The following ST6GALNAC6 variants were observed in gnomAD, a reference collection of about 807,000 sequenced individuals.
The protein encoded by ST6GALNAC6 is alpha-N-acetylgalactosaminide alpha-2,6-sialyltransferase 6.
Under a neutral mutation model 34.3 loss-of-function variants are expected in ST6GALNAC6, and 19 were observed. The ratio of observed to expected loss-of-function variants is 0.55; its 90% CI spans 0.39 to 0.81. ST6GALNAC6 has a LOEUF of 0.81. ST6GALNAC6 is among the 40% of genes least tolerant of loss of function. ST6GALNAC6 has a pLI of 0.00. For synonymous variants in ST6GALNAC6, 185 were observed against 182.1 expected, an observed-to-expected ratio of 1.02 and a Z score of -0.13; for missense variants, 377 against 467.7, an observed-to-expected ratio of 0.81 and a Z score of 1.79.
Position 127,890,566 on chromosome 9 carries a change from A to G in ST6GALNAC6, c.704+71T>C. The stretch of plus-strand genomic sequence containing the variant: ...CAGAGCAGTGCATGCTGGGAGCAAC[A>G]GGCCCTCTGGATGGGGCATGCTGAG... On this transcript the variant is annotated intron_variant, in intron 5 of 6. Transcript: ENST00000373146. The surrounding 1 kb of genome is among the most constrained non-coding windows in gnomAD (Gnocchi z 4.3). The G allele has an allele frequency of 6.3e-7, 1 of 1,598,602 alleles. No homozygotes were observed. The highest frequency in any genetic ancestry group is 8.5e-7 in the Non-Finnish European group (1 of 1,170,594).
At chr9:127,895,216 G>A (rs1588650522) in intron 3 of ST6GALNAC6, among the ~76,000 whole-genome samples, 1 of 152,206 alleles carries the variant, frequency 6.6e-6, no homozygotes, top group Non-Finnish European at 1.5e-5. Context: ...ATTAAACTTT[G>A]TGAGTAGAGG....
chr9:127,899,652 C>G (rs1830679225), upstream of ST6GALNAC6: 5 of 983,702 alleles, frequency 5.1e-6, no homozygotes, highest in Non-Finnish European at 6.0e-6. Flanking sequence ...ACGGCCCGGC[C>G]CAGGCCTGGG....
In ST6GALNAC6 at chr9:127,897,802, C is replaced by A. The variant is rs553579843; in HGVS notation, c.26+154G>T. Reference sequence around the variant, plus strand: ...TGGCCACCCTTTCCTGCGGATGCCCCCTGCCCGCCGCCCACTTTCCCACCT... The same window carrying A: ...TGGCCACCCTTTCCTGCGGATGCCCACTGCCCGCCGCCCACTTTCCCACCT... On this transcript the variant is annotated intron_variant, in intron 2 of 6. Coordinates refer to ENST00000373146, the MANE Select transcript of ST6GALNAC6 (RefSeq NM_013443.5). 456 of 1,518,352 alleles carry A rather than the reference C, an allele frequency of 3.0e-4. 8 individuals carry two copies. In the South Asian group the frequency reaches 5.3e-3, roughly 18 times the overall value. 94.1% of individuals were successfully genotyped at this position (1,518,352 alleles called of 1,614,324 possible).
At position 127,891,005 on chromosome 9, in the gene ST6GALNAC6, G is replaced by A. The variant is rs777499764; in HGVS notation, c.336C>T (p.Ser112=). 6.2e-7 allele frequency: 1 copy of A among 1,614,008 alleles called. No homozygotes were observed. The highest frequency in any genetic ancestry group is 1.3e-5 in the African/African-American group (1 of 74,932). Residue 112 remains serine, a synonymous_variant, in exon 5 of 7, where the codon AGC becomes AGT. Coordinates refer to ENST00000373146, the MANE Select transcript of ST6GALNAC6 (RefSeq NM_013443.5). The part of the protein sequence containing the change: ...PSRCHQCVIV[S]SSSHLLGTKL... ...TGGTGCCCAGCAGGTGGCTGGAGCT[G>A]CTGACAATCACACACTGGTGGCACC...
upstream of ST6GALNAC6, chr9:127,902,892 A>G (rs1184151175): frequency 6.7e-6 from 1 of 150,340 alleles, no homozygotes; most frequent in African/African-American, 2.4e-5. Context: ...CCCAGCCCAC[A>G]CAATTTTTAT....
At chr9:127,904,057 A>C (rs1278936412), upstream of ST6GALNAC6, 1 of 152,192 alleles carries the variant, frequency 6.6e-6, no homozygotes, top group African/African-American at 2.4e-5. Context: ...AACCATCTCA[A>C]TAACAGTAAT....
chr9:127,887,608 G>T lies in ST6GALNAC6; in HGVS notation c.705-17C>A. ...GACTTCTCCCTGGGGATGGAGAGGG[G>T]TCACGATGAGGGCACATGCAGGGAG... On this transcript the variant is annotated splice_polypyrimidine_tract_variant and intron_variant, in intron 5 of 6. Coordinates refer to ENST00000373146, the MANE Select transcript of ST6GALNAC6 (RefSeq NM_013443.5). The T allele has an allele frequency of 6.3e-7, 1 of 1,591,796 alleles. No homozygotes were observed. The highest frequency in any genetic ancestry group is 8.6e-7 in the Non-Finnish European group (1 of 1,164,296).
intron 3 of ST6GALNAC6, 56 bp downstream of exon 3, chr9:127,896,186 G>C: frequency 6.3e-7 from 1 of 1,584,630 alleles, no homozygotes. Flanking sequence ...AAAGGAACCC[G>C]TTCCATGGAG....
rs149599016 is a variant in ST6GALNAC6 at position 127,894,684 on chromosome 9, C to T, written c.125G>A (p.Arg42Gln). ...RREMSSNKEQ[R>Q]SAVFVILFAL... Reference sequence around the variant, plus strand: ...AAAGAGGATCACGAACACTGCTGACCGCTGCTCCTGGAGAGAGGAGAGGTC... The same window carrying T: ...AAAGAGGATCACGAACACTGCTGACTGCTGCTCCTGGAGAGAGGAGAGGTC... Residue 42 changes from arginine (R) to glutamine (Q), a missense_variant, in exon 4 of 7, where the codon CGG becomes CAG. By Grantham distance (43) the Arg-to-Gln change is conservative. Transcript: ENST00000373146. The T allele has an allele frequency of 7.4e-5, 119 of 1,614,080 alleles. No homozygotes were observed. In the African/African-American group the frequency reaches 1.3e-3, roughly 18 times the overall value.
At chr9:127,903,753 G>A (rs1246084160), upstream of ST6GALNAC6, 2 of 152,246 alleles carry the variant, frequency 1.3e-5, no homozygotes, top group Non-Finnish European at 2.9e-5. Context: ...CGGTCAGACA[G>A]GCAGGAGGCC....
Position 127,886,780 on chromosome 9 carries a change from G to A in ST6GALNAC6, c.821C>T (p.Pro274Leu), listed in dbSNP as rs2131453493. 3.1e-6 allele frequency: 5 copies of A among 1,606,384 alleles called. No homozygotes were observed. The highest frequency in any genetic ancestry group is 2.2e-5 in the East Asian group (1 of 44,874). Residue 274 changes from proline to leucine, a missense_variant, in exon 7 of 7, where the codon CCC becomes CTC. Pro to Leu is a moderately conservative substitution (Grantham distance 98). Transcript: ENST00000373146. ...MVPPNYCSQR[P>L]RLQRMPYHYY... ...GTGGTAGGGCATGCGCTGGAGGCGGGGCCGCTGGCTGGGACAGAGCAGACG... is the reference window on the plus strand; with the variant it reads ...GTGGTAGGGCATGCGCTGGAGGCGGAGCCGCTGGCTGGGACAGAGCAGACG...
At chr9:127,899,086 G>A (rs1830639285) in intron 1 of ST6GALNAC6, among the ~76,000 whole-genome samples, 1 of 152,202 alleles carries the variant, frequency 6.6e-6, no homozygotes, top group Non-Finnish European at 1.5e-5. Context: ...CGTGGGAGGA[G>A]GGCTCCAGGG....
In ST6GALNAC6 at chr9:127,886,792, G is replaced by A; in HGVS notation, c.813-4C>T. On this transcript the variant is annotated splice_region_variant and splice_polypyrimidine_tract_variant and intron_variant, in intron 6 of 6. Coordinates refer to ENST00000373146, the MANE Select transcript of ST6GALNAC6 (RefSeq NM_013443.5). ...GCGCTGGAGGCGGGGCCGCTGGCTG[G>A]GACAGAGCAGACGGGCGTCATCAGG... 1.3e-6 allele frequency: 2 copies of A among 1,599,042 alleles called. No homozygotes were observed. Among genetic ancestry groups the A allele is most frequent in the Non-Finnish European group, 1.7e-6 (2 of 1,172,316 alleles).
Position 127,890,847 on chromosome 9 carries a change from A to G in ST6GALNAC6, c.494T>C (p.Leu165Pro). 1 of 1,614,186 alleles carries G rather than the reference A, an allele frequency of 6.2e-7. No homozygotes were observed. Among genetic ancestry groups the G allele is most frequent in the Non-Finnish European group, 8.5e-7 (1 of 1,180,024 alleles). The change falls in exon 5 of 7, where the codon CTG becomes CCG. Residue 165 changes from leucine (L) to proline (P), a missense_variant. Coordinates refer to ENST00000373146, the MANE Select transcript of ST6GALNAC6 (RefSeq NM_013443.5). The surrounding 1 kb of genome is among the most constrained non-coding windows in gnomAD (Gnocchi z 4.3). ...VVAHSSVFRV[L>P]RRPQEFVNRT... ...GTTGACAAACTCCTGGGGCCTCCTC[A>G]GCACGCGGAACACACTGGAATGGGC...
At position 127,896,260 on chromosome 9, in the gene ST6GALNAC6, T is replaced by TCCC; in HGVS notation, c.98_99insGGG (p.Arg33_Glu34insGly). The TCCC allele has an allele frequency of 6.2e-7, 1 of 1,614,132 alleles. No homozygotes were observed. Among genetic ancestry groups the TCCC allele is most frequent in the Non-Finnish European group, 8.5e-7 (1 of 1,180,002 alleles). On this transcript the variant is annotated inframe_insertion, in exon 3 of 7. Coordinates refer to ENST00000373146, the MANE Select transcript of ST6GALNAC6 (RefSeq NM_013443.5). ...GACTTACTTTGTTGCTACTCATTTC[T>TCCC]CTCCGGCGTCTGCTGAGGGGTAGGT...
At chr9:127,896,970 C>T (rs1830497719) in intron 2 of ST6GALNAC6, 6 of 984,082 alleles carry the variant, frequency 6.1e-6, no homozygotes, top group African/African-American at 1.7e-5. Flanking sequence ...CAGGATCTCT[C>T]GGGGGCTAAG....
upstream of ST6GALNAC6, among the ~76,000 whole-genome samples, chr9:127,902,171 T>G (rs541187230): frequency 6.6e-6 from 1 of 152,300 alleles, no homozygotes; most frequent in South Asian, 2.1e-4. Context: ...TTTTTTGTTT[T>G]TTATTGAGAT....
upstream of ST6GALNAC6, among the ~76,000 whole-genome samples, chr9:127,900,092 GAGA>G (rs554683971): frequency 3.9e-5 from 6 of 152,340 alleles, no homozygotes; most frequent in South Asian, 1.2e-3. Flanking sequence ...GGAAAATAGG[GAGA>G]AGAATAACTT....
intron 6 of ST6GALNAC6, 68 bp downstream of exon 6, chr9:127,887,416 C>T: frequency 7.3e-7 from 1 of 1,376,768 alleles, no homozygotes; most frequent in African/African-American, 1.4e-5. Context: ...GTTTCCAGCC[C>T]CTAGAGCTCC....
Sources: gnomAD v4.1 joint callset for allele counts (sites outside exome capture counted in the v4.1 genomes callset) on GRCh38, gnomAD v4.1.1 for gene constraint, Gnocchi (gnomAD v3.1) non-coding constraint, MANE v1.5 for transcripts, NCBI Gene and HGNC (gene_info 2026-07-23, HGNC 2026-07-21) for gene names.